The following CTDSPL2 variants were observed in gnomAD, a reference collection of about 807,000 sequenced individuals.
CTDSPL2 encodes the protein CTD small phosphatase like 2, also known as CTD small phosphatase-like protein 2.
Under a neutral mutation model 60.0 loss-of-function variants are expected in CTDSPL2, and 5 were observed. The ratio of observed to expected loss-of-function variants is 0.08; its 90% confidence interval spans 0.04 to 0.18. The LOEUF is 0.18. Among genes scored for constraint, CTDSPL2 ranks in the 10% least tolerant of loss-of-function variants. The pLI is 1.00. For missense variants in CTDSPL2, 370 were observed against 548.8 expected (o/e 0.67, Z 3.26); for synonymous variants, 186 against 189.3 (o/e 0.98, Z 0.14).
chr15:44,457,658 C>G (rs1028739297), intron 1 of CTDSPL2, among the ~76,000 whole-genome samples: 2 of 152,192 alleles, frequency 1.3e-5, no homozygotes, highest in African/African-American at 2.4e-5. Context: ...GTTGCCCAAG[C>G]TGGAGTGCTA....
chr15:44,491,952 C>T (rs1194667547), intron 5 of CTDSPL2, among the ~76,000 whole-genome samples: 1 of 152,088 alleles, frequency 6.6e-6, no homozygotes, highest in African/African-American at 2.4e-5. Flanking sequence ...CAACCTCCAC[C>T]TCCTGGGTTC....
chr15:44,498,153 C>T (rs1351236300), intron 7 of CTDSPL2, among the ~76,000 whole-genome samples: 2 of 151,970 alleles, frequency 1.3e-5, no homozygotes, highest in Non-Finnish European at 1.5e-5. Context: ...TTTTTTAAGG[C>T]TAGTAAAGTG....
At chr15:44,441,895 AT>A (rs1196556531) in intron 1 of CTDSPL2, among the ~76,000 whole-genome samples, 1 of 152,080 alleles carries the variant, frequency 6.6e-6, no homozygotes, top group Non-Finnish European at 1.5e-5. Flanking sequence ...GTAGCTTGTA[AT>A]TCCCCGACTT....
At chr15:44,461,595 T>TTTA (rs2080572745) in intron 2 of CTDSPL2, among the ~76,000 whole-genome samples, 1 of 148,622 alleles carries the variant, frequency 6.7e-6, no homozygotes, top group African/African-American at 2.5e-5. Flanking sequence ...TTTTTTTTTT[T>TTTA]TTAAAGAGAT....
At chr15:44,518,899 A>G (rs1224256696) in intron 10 of CTDSPL2, 2 of 201,902 alleles carry the variant, frequency 9.9e-6, no homozygotes, top group Non-Finnish European at 9.9e-6. Flanking sequence ...AGAGTTTTTA[A>G]TCCCCCTTTA....
chr15:44,456,981 A>G (rs2080460918), intron 1 of CTDSPL2, among the ~76,000 whole-genome samples: 1 of 148,102 alleles, frequency 6.8e-6, no homozygotes, highest in African/African-American at 2.5e-5. Context: ...GGCTTCAGTG[A>G]TCCTTCCACT....
At chr15:44,457,607 G>T (rs2080475146) in intron 1 of CTDSPL2, among the ~76,000 whole-genome samples, 1 of 151,210 alleles carries the variant, frequency 6.6e-6, no homozygotes, top group African/African-American at 2.4e-5. Flanking sequence ...GTTGGGGGGG[G>T]TGGTGCGGGG....
At chr15:44,472,579 A>G (rs1393410330) in intron 2 of CTDSPL2, among the ~76,000 whole-genome samples, 1 of 151,348 alleles carries the variant, frequency 6.6e-6, no homozygotes, top group African/African-American at 2.4e-5. Flanking sequence ...GTTCATTGCA[A>G]CCTCTGCTTC....
At chr15:44,463,474 G>C (rs577274291) in intron 2 of CTDSPL2, among the ~76,000 whole-genome samples, 1 of 152,146 alleles carries the variant, frequency 6.6e-6, no homozygotes, top group Non-Finnish European at 1.5e-5. Context: ...TTTGGGTAAG[G>C]TTTTTCATAC....
Position 44,497,362 on chromosome 15 carries a change from A to G in CTDSPL2, c.882+224A>G, listed in dbSNP as rs547860057. ...ATACACTTTTTATTAATAGTCTCAA[A>G]AGCACAATTTCTTATTTTTTTGAGA... On this transcript the variant is annotated intron_variant, in intron 7 of 12. Transcript: ENST00000260327. 1.4e-4 allele frequency among the ~76,000 whole-genome samples: 21 copies of G among 152,168 alleles called. No homozygotes were observed. The East Asian group carries it at 2.1e-3, about 15-fold the overall frequency.
At chr15:44,438,581 A>G (rs1567058532) in intron 1 of CTDSPL2, among the ~76,000 whole-genome samples, 2 of 152,310 alleles carry the variant, frequency 1.3e-5, no homozygotes, top group Non-Finnish European at 2.9e-5. Context: ...TGGTAGTAGC[A>G]TTACTTGTGA....
chr15:44,490,941 A>G lies in CTDSPL2; in HGVS notation c.633A>G (p.Leu211=). ...SNQAVQVRPS[L]NNGLEEAEET... is the part of the protein sequence containing the mutation. ...AAGCAGTTCAAGTGAGACCATCACT[A>G]AACAATGGTTTAGAAGAAGCAGAAG... Residue 211 remains leucine (L), a synonymous_variant, in exon 5 of 13, where the codon CTA becomes CTG. Coordinates refer to ENST00000260327, the MANE Select transcript of CTDSPL2 (RefSeq NM_016396.3). 6.2e-7 allele frequency: 1 copy of G among 1,614,186 alleles called. No individual in the cohort carries two copies. Among genetic ancestry groups the G allele is most frequent in the East Asian group, 2.2e-5 (1 of 44,858 alleles).
intron 2 of CTDSPL2, among the ~76,000 whole-genome samples, chr15:44,459,807 T>C (rs1437350685): frequency 6.6e-6 from 1 of 152,226 alleles, no homozygotes; most frequent in Admixed American, 6.5e-5. Context: ...AAGTTTCTTG[T>C]TAATATTCAC....
At chr15:44,502,479 T>C (rs993109178) in intron 8 of CTDSPL2, among the ~76,000 whole-genome samples, 21 of 152,294 alleles carry the variant, frequency 1.4e-4, no homozygotes, top group African/African-American at 4.8e-4. Flanking sequence ...TGGCAACCTT[T>C]TTCTATAAAG....
intron 2 of CTDSPL2, among the ~76,000 whole-genome samples, chr15:44,470,844 TC>T (rs2080793599): frequency 6.6e-6 from 1 of 152,218 alleles, no homozygotes; most frequent in African/African-American, 2.4e-5. Flanking sequence ...ATTTGTCCCA[TC>T]TTTTGTTTCT....
At position 44,434,821 on chromosome 15, in the gene CTDSPL2, T is replaced by A. The variant is rs568984077; in HGVS notation, c.-25+7049T>A. 3.9e-5 allele frequency among the ~76,000 whole-genome samples: 6 copies of A among 152,302 alleles called. No homozygotes were observed. The East Asian group carries it at 9.6e-4, about 24-fold the overall frequency. On this transcript the variant is annotated intron_variant, in intron 1 of 12. Coordinates refer to ENST00000260327, the MANE Select transcript of CTDSPL2 (RefSeq NM_016396.3). The stretch of plus-strand genomic sequence containing the variant: ...GTATAGTTCTGTATTTTGCCAAATG[T>A]TTTTGATAAGTTTATTATATTTAGT...
At chr15:44,468,821 G>A (rs2080747908) in intron 2 of CTDSPL2, among the ~76,000 whole-genome samples, 1 of 152,082 alleles carries the variant, frequency 6.6e-6, no homozygotes, top group South Asian at 2.1e-4. Context: ...GAAATAATTG[G>A]TAAGTTTTAA....
intron 8 of CTDSPL2, among the ~76,000 whole-genome samples, chr15:44,511,474 C>T (rs79489844): frequency 0.098 from 14,851 of 152,098 alleles, 1,492 homozygotes; most frequent in African/African-American, 0.24. Context: ...GGAATTGTGT[C>T]GTGTTCAGAG....
At chr15:44,514,483 A>G in intron 8 of CTDSPL2, 115 bp from the exon 9 acceptor site, 1 of 685,610 alleles carries the variant, frequency 1.5e-6, no homozygotes, top group East Asian at 2.6e-5. Flanking sequence ...ATATTTCTAT[A>G]CTTTAAAACA....
Sources: allele counts gnomAD v4.1 joint callset (sites outside exome capture counted in the v4.1 genomes callset), GRCh38; gene constraint gnomAD v4.1.1; transcripts MANE v1.5; gene names NCBI Gene and HGNC (gene_info 2026-07-23, HGNC 2026-07-21).